The following IBTK variants were observed in gnomAD, a reference collection of about 807,000 sequenced individuals.
IBTK encodes the protein BTK-binding protein.
A neutral mutation model predicts 154.9 loss-of-function variants in IBTK; 83 were observed. That is an observed-to-expected ratio of 0.54 (90% CI 0.45 to 0.64). IBTK has a LOEUF of 0.64. Ranked by LOEUF, IBTK falls within the 30% of genes least tolerant of loss-of-function variation. IBTK has a pLI of 0.00. For missense variants in IBTK, 1,332 were observed against 1,584.6 expected (o/e 0.84, Z 2.71); for synonymous variants, 515 against 536.1 (o/e 0.96, Z 0.54).
rs1767907518 is a variant in IBTK at position 82,170,915 on chromosome 6, G to C, written c.*510C>G. 1 of 153,254 alleles carries C rather than the reference G, an allele frequency of 6.5e-6. No individual in the cohort carries two copies. The highest frequency in any genetic ancestry group is 2.4e-5 in the African/African-American group (1 of 41,426). The allele number at this position is 153,254 out of a possible 1,614,324, so 9.5% of individuals were successfully genotyped here. A position where few individuals can be genotyped will look rare whatever the true frequency, so the allele number is the denominator to read the frequency against. On this transcript the variant is annotated 3_prime_UTR_variant, in exon 29 of 29. Coordinates refer to ENST00000306270, the MANE Select transcript of IBTK (RefSeq NM_015525.4). Reference sequence around the variant, plus strand: ...GAGACATGGACCACATGATTAGCCTGATTTTTAAAAAGCAACAAGAATGGT... The same window carrying C: ...GAGACATGGACCACATGATTAGCCTCATTTTTAAAAAGCAACAAGAATGGT...
chr6:82,217,090 A>G (rs1027557777), intron 10 of IBTK, among the ~76,000 whole-genome samples: 2 of 152,194 alleles, frequency 1.3e-5, no homozygotes, highest in African/African-American at 4.8e-5. Flanking sequence ...TTTGAGAAAG[A>G]GAACAAAACT....
At chr6:82,237,684 T>TAGTAGC (rs1406455558) in intron 2 of IBTK, among the ~76,000 whole-genome samples, 3 of 149,622 alleles carry the variant, frequency 2.0e-5, no homozygotes, top group East Asian at 2.0e-4. Context: ...GTAGTAGTAG[T>TAGTAGC]AGTAGTAGTA....
chr6:82,225,334 A>T lies in IBTK; in HGVS notation c.825+143T>A, dbSNP rs563967700. 2.4e-5 allele frequency: 8 copies of T among 335,230 alleles called. No individual in the cohort carries two copies. In the East Asian group the frequency reaches 2.8e-4, roughly 12 times the overall value. 20.8% of individuals were successfully genotyped at this position (335,230 alleles called of 1,614,324 possible). On this transcript the variant is annotated intron_variant, in intron 6 of 28. Transcript: ENST00000306270. ...CAAAAAATAATAATAATAATAATAA[A>T]TAATAAAGACAGTATATACCACTGA...
intron 25 of IBTK, among the ~76,000 whole-genome samples, chr6:82,184,445 A>C (rs114641698): frequency 0.24 from 36,403 of 151,912 alleles, 4,343 homozygotes; most frequent in African/African-American, 0.28. Context: ...CCACAAAGAA[A>C]AAGTATTCTT....
At chr6:82,171,924 C>A (rs564284455) in intron 28 of IBTK, among the ~76,000 whole-genome samples, 7 of 152,298 alleles carry the variant, frequency 4.6e-5, no homozygotes, top group South Asian at 2.1e-4. Context: ...TGCTACTATG[C>A]GTCTTTTCTG....
chr6:82,204,734 C>T (rs1464933850), intron 17 of IBTK, 123 bp downstream of exon 17: 2 of 460,510 alleles, frequency 4.3e-6, no homozygotes, highest in Non-Finnish European at 7.7e-6. Context: ...CATATTTTGG[C>T]AGGTTTTCGT....
chr6:82,210,883 G>T lies in IBTK; in HGVS notation c.2440C>A (p.Pro814Thr). Residue 814 changes from proline to threonine, a missense_variant, in exon 16 of 29, where the codon CCA becomes ACA. By Grantham distance (38) the Pro-to-Thr change is conservative. Around this residue, in one of 3 missense-constraint regions of IBTK, gnomAD observed 1,134 missense variants for 1,274.7 expected, o/e 0.89. Transcript: ENST00000306270. ...EASSCAALEM[P>T]IHSDILKVIL... Reference sequence around the variant, plus strand: ...ACTTTTAATATATCAGAATGTATTGGCATTTCCAGAGCTGCACAACTGGAA... The same window carrying T: ...ACTTTTAATATATCAGAATGTATTGTCATTTCCAGAGCTGCACAACTGGAA... The T allele has an allele frequency of 1.3e-6, 2 of 1,572,738 alleles. No individual in the cohort carries two copies. The highest frequency in any genetic ancestry group is 1.7e-6 in the Non-Finnish European group (2 of 1,159,876).
At chr6:82,182,422 T>A (rs1768354828) in intron 25 of IBTK, among the ~76,000 whole-genome samples, 1 of 150,802 alleles carries the variant, frequency 6.6e-6, no homozygotes. Context: ...GATGGAAGAG[T>A]CGGTAAACTT....
At chr6:82,232,250 C>T (rs1021749815) in intron 3 of IBTK, among the ~76,000 whole-genome samples, 4 of 152,102 alleles carry the variant, frequency 2.6e-5, no homozygotes, top group Non-Finnish European at 5.9e-5. Flanking sequence ...AAAACACCAC[C>T]GGCCATATCT....
In IBTK at chr6:82,200,629, T is replaced by C. The variant is rs1769167925; in HGVS notation, c.2870A>G (p.Asp957Gly). Residue 957 changes from aspartate (D) to glycine (G), a missense_variant, in exon 20 of 29, where the codon GAT (aspartate) becomes GGT (glycine). Coordinates refer to ENST00000306270, the MANE Select transcript of IBTK (RefSeq NM_015525.4). ...DISYLEVEDG[D>G]IFLKEEINME... The stretch of plus-strand genomic sequence containing the variant: ...ATTTATTTCTTCTTTCAAGAAGATA[T>C]CTCCATCTTCTACTTCCAAATAGCT... 6.3e-7 allele frequency: 1 copy of C among 1,589,292 alleles called. No individual in the cohort carries two copies. The highest frequency in any genetic ancestry group is 1.4e-5 in the African/African-American group (1 of 73,550).
At chr6:82,212,931 G>C in intron 12 of IBTK, 138 bp from the exon 13 acceptor site, 1 of 580,458 alleles carries the variant, frequency 1.7e-6, no homozygotes, top group South Asian at 2.2e-5. Context: ...CCTACTCTGA[G>C]ATAAAGAAAT....
At chr6:82,211,658 T>A in intron 13 of IBTK, 86 bp from the exon 14 acceptor site, 2 of 1,039,982 alleles carry the variant, frequency 1.9e-6, no homozygotes, top group Non-Finnish European at 2.9e-6. Flanking sequence ...AACTTTCAGT[T>A]TTCTCTTAAA....
intron 7 of IBTK, 51 bp from the exon 8 acceptor site, chr6:82,223,671 C>T (rs1201509222): frequency 1.3e-6 from 2 of 1,500,348 alleles, no homozygotes; most frequent in East Asian, 2.3e-5. Context: ...TTTAAGAGTC[C>T]TATTTAGCCA....
At chr6:82,245,074 C>T (rs1771094712) in intron 1 of IBTK, among the ~76,000 whole-genome samples, 1 of 152,190 alleles carries the variant, frequency 6.6e-6, no homozygotes, top group Non-Finnish European at 1.5e-5. Flanking sequence ...ATCTATTACA[C>T]AGTTCCTATT....
rs373818710 is a variant in IBTK at position 82,211,817 on chromosome 6, CT to C, written c.2292-246del. On this transcript the variant is annotated intron_variant, in intron 13 of 28. Transcript: ENST00000306270. Reference sequence around the variant, plus strand: ...TTCAAAAAGTATTTTTCTGATTTTCCTTTTTTTTATTCCAGAAAAACTGTTA... The same window carrying C: ...TTCAAAAAGTATTTTTCTGATTTTCCTTTTTTTATTCCAGAAAAACTGTTA... Among the ~76,000 whole-genome samples, 669 of 151,806 alleles carry C rather than the reference CT, an allele frequency of 4.4e-3. 6 individuals carry two copies. Among genetic ancestry groups the C allele is most frequent in the African/African-American group, 0.015 (611 of 41,402 alleles).
chr6:82,193,789 C>T (rs1768875627), intron 23 of IBTK, among the ~76,000 whole-genome samples: 1 of 152,058 alleles, frequency 6.6e-6, no homozygotes, highest in Non-Finnish European at 1.5e-5. Flanking sequence ...TCAAACGATT[C>T]TCCCACCTCA....
chr6:82,223,378 A>G, intron 8 of IBTK, 62 bp downstream of exon 8: 1 of 1,325,872 alleles, frequency 7.5e-7, no homozygotes, highest in South Asian at 1.5e-5. Flanking sequence ...TAACACTCAG[A>G]TATTTGCTGG....
At position 82,224,072 on chromosome 6, in the gene IBTK, T is replaced by G. The variant is rs1351785023; in HGVS notation, c.939A>C (p.Gln313His). The part of the protein sequence containing the change: ...AVYTMGLNGG[Q>H]LGCLLDPNGE... ...TTGTCATTAAGGATTTCTTACCCAG[T>G]TGTCCACCATTTAGTCCCATAGTGT... The change falls in exon 7 of 29, where the codon CAA becomes CAC. Residue 313 changes from glutamine (Q) to histidine (H), a missense_variant. By Grantham distance (24) the Gln-to-His change is conservative. Coordinates refer to ENST00000306270, the MANE Select transcript of IBTK (RefSeq NM_015525.4). The G allele has an allele frequency of 1.3e-6, 2 of 1,533,632 alleles. No individual in the cohort carries two copies.
intron 7 of IBTK, 82 bp downstream of exon 7, chr6:82,223,986 A>T: frequency 1.2e-6 from 1 of 807,378 alleles, no homozygotes; most frequent in South Asian, 1.7e-5. Context: ...ATCTCATTCT[A>T]ATCAATAAAA....
Sources: allele counts gnomAD v4.1 joint callset (sites outside exome capture counted in the v4.1 genomes callset), GRCh38; gene constraint gnomAD v4.1.1; regional missense constraint gnomAD v4.1.1; transcripts MANE v1.5; gene names NCBI Gene and HGNC (gene_info 2026-07-23, HGNC 2026-07-21).